MGA: variants seen among roughly 807,000 people sequenced by gnomAD.
MGA encodes MAX gene-associated protein.
In MGA, 40 loss-of-function variants were observed where a neutral mutation model predicts 261.1. The ratio of observed to expected loss-of-function variants is 0.15; its 90% CI spans 0.12 to 0.20. MGA has a LOEUF of 0.20. Ranked by LOEUF, MGA falls within the 10% of genes least tolerant of loss-of-function variation. The pLI, the probability that MGA is intolerant of heterozygous loss-of-function variation, is 1.00. For synonymous variants in MGA, 1,302 were observed against 1,290.6 expected (o/e 1.01, Z -0.19); for missense variants, 3,397 against 3,630.5 (o/e 0.94, Z 1.65).
Position 41,696,534 on chromosome 15 carries a change from G to C in MGA, c.1524G>C (p.Leu508Phe). Residue 508 changes from leucine (L) to phenylalanine (F), a missense_variant, in exon 3 of 24, where the codon TTG becomes TTC. Leu to Phe is a conservative substitution (Grantham distance 22, BLOSUM62 0). Around this residue, in one of 9 missense-constraint regions of MGA, gnomAD observed 563 missense variants for 563.6 expected, o/e 1.00. Transcript: ENST00000219905. Reference sequence around the variant, plus strand: ...CTATGTTGGCAGAATTGGAATATTTGCCTACATACATTGAAAATTCCAATG... The same window carrying C: ...CTATGTTGGCAGAATTGGAATATTTCCCTACATACATTGAAAATTCCAATG... 6.2e-7 allele frequency: 1 copy of C among 1,613,938 alleles called. No individual in the cohort carries two copies. The highest frequency in any genetic ancestry group is 8.5e-7 in the Non-Finnish European group (1 of 1,179,888).
chr15:41,715,350 A>G (rs1484457801), intron 9 of MGA, among the ~76,000 whole-genome samples: 1 of 151,604 alleles, frequency 6.6e-6, no homozygotes, highest in Non-Finnish European at 1.5e-5. Flanking sequence ...GGGTTTCACC[A>G]TATTGGCCAG....
At chr15:41,627,243 C>T (rs72724111) in intron 1 of MGA, among the ~76,000 whole-genome samples, 309 of 152,260 alleles carry the variant, frequency 2.0e-3, no homozygotes, top group Non-Finnish European at 3.6e-3. Flanking sequence ...TTATTATTAA[C>T]GAAAGTCCAT....
intron 1 of MGA, among the ~76,000 whole-genome samples, chr15:41,625,106 C>T (rs969687748): frequency 3.3e-5 from 5 of 152,046 alleles, no homozygotes; most frequent in Admixed American, 6.6e-5. Flanking sequence ...CGTGTCACTG[C>T]ACTCCAGATT....
At chr15:41,660,612 C>G (rs2057324588) in intron 1 of MGA, 87 bp downstream of exon 1, 2 of 152,666 alleles carry the variant, frequency 1.3e-5, no homozygotes, top group Non-Finnish European at 2.9e-5. Context: ...TGTATTTGAA[C>G]GGCGTGAGAA....
chr15:41,718,097 C>T (rs1159531577), intron 9 of MGA, among the ~76,000 whole-genome samples: 1 of 150,050 alleles, frequency 6.7e-6, no homozygotes, highest in Non-Finnish European at 1.5e-5. Flanking sequence ...GTATAAAATA[C>T]ATATTAAGGA....
At chr15:41,743,833 T>A (rs1355572196) in intron 15 of MGA, among the ~76,000 whole-genome samples, 4 of 152,244 alleles carry the variant, frequency 2.6e-5, no homozygotes, top group African/African-American at 4.8e-5. Context: ...CTAATATTTT[T>A]ATAAACTTTT....
At chr15:41,667,602 A>T (rs1595626142) in intron 1 of MGA, among the ~76,000 whole-genome samples, 1 of 151,200 alleles carries the variant, frequency 6.6e-6, no homozygotes, top group African/African-American at 2.4e-5. Context: ...CTGGTCTGGG[A>T]CTCCTGACTT....
At chr15:41,707,619 T>C (rs2060188218) in intron 5 of MGA, 109 bp from the exon 6 acceptor site, 1 of 1,058,180 alleles carries the variant, frequency 9.5e-7, no homozygotes, top group South Asian at 1.8e-5. Context: ...CTCCTTTCTC[T>C]CTCGACCTTA....
intron 5 of MGA, among the ~76,000 whole-genome samples, chr15:41,703,034 G>C (rs986541551): frequency 2.0e-5 from 3 of 152,056 alleles, no homozygotes; most frequent in South Asian, 4.1e-4. Flanking sequence ...TAGTGAACCA[G>C]TACTGATATA....
chr15:41,748,548 T>C (rs1337187992), intron 15 of MGA, 89 bp from the exon 16 acceptor site: 1 of 1,409,080 alleles, frequency 7.1e-7, no homozygotes, highest in Non-Finnish European at 9.5e-7. Context: ...AAAGCAAGAC[T>C]GTGTCTTAAA....
intron 2 of MGA, among the ~76,000 whole-genome samples, chr15:41,677,386 GC>G (rs1163386395): frequency 6.6e-6 from 1 of 152,180 alleles, no homozygotes; most frequent in Middle Eastern, 3.2e-3. Context: ...AGGTGATCCA[GC>G]CACCTCAGCC....
chr15:41,757,849 A>G lies in MGA; in HGVS notation c.7191+10A>G, dbSNP rs1219092820. 1.5e-5 allele frequency: 24 copies of G among 1,591,534 alleles called. No homozygotes were observed. The highest frequency in any genetic ancestry group is 1.9e-5 in the Non-Finnish European group (22 of 1,160,560). ...TGAAAGGAGTCGAAAGGTATTTAGGATATATTTAGTGATAATTACTCATTG... is the reference window on the plus strand; with the variant it reads ...TGAAAGGAGTCGAAAGGTATTTAGGGTATATTTAGTGATAATTACTCATTG... On this transcript the variant is annotated intron_variant, in intron 19 of 23. Coordinates refer to ENST00000219905, the MANE Select transcript of MGA (RefSeq NM_001164273.2).
At chr15:41,684,590 T>G (rs1010410017) in intron 2 of MGA, 1 of 299,338 alleles carries the variant, frequency 3.3e-6, no homozygotes, top group African/African-American at 2.2e-5. Flanking sequence ...AAAGCAGTTA[T>G]TGCAGTAGCA....
intron 14 of MGA, among the ~76,000 whole-genome samples, chr15:41,740,425 A>G (rs1283049241): frequency 6.6e-6 from 1 of 151,992 alleles, no homozygotes; most frequent in Non-Finnish European, 1.5e-5. Context: ...TCTTGGTTTT[A>G]TATATATTTT....
chr15:41,699,691 A>G (rs1047082806), intron 5 of MGA, among the ~76,000 whole-genome samples: 3 of 152,006 alleles, frequency 2.0e-5, no homozygotes, highest in African/African-American at 7.3e-5. Flanking sequence ...TTTAGTAGAG[A>G]CGGTTTCACC....
intron 11 of MGA, among the ~76,000 whole-genome samples, chr15:41,729,603 G>C (rs2061406472): frequency 1.3e-5 from 2 of 151,832 alleles, no homozygotes; most frequent in Non-Finnish European, 2.9e-5. Flanking sequence ...AGGCGGATCA[G>C]TTGAGCCCAG....
In MGA at chr15:41,668,931, G is replaced by C; in HGVS notation, c.37G>C (p.Asp13His). The C allele has an allele frequency of 6.3e-7, 1 of 1,595,154 alleles. No homozygotes were observed. The highest frequency in any genetic ancestry group is 8.6e-7 in the Non-Finnish European group (1 of 1,166,402). The change falls in exon 2 of 24, where the codon GAT becomes CAT. Residue 13 changes from aspartate to histidine, a missense_variant. Asp to His is a moderately conservative substitution (Grantham distance 81). Coordinates refer to ENST00000219905, the MANE Select transcript of MGA (RefSeq NM_001164273.2). The stretch of plus-strand genomic sequence containing the variant: ...ACAGCAGATTATATTGGCTAATCAA[G>C]ATGGTGGAACAGTGGCAGGAGCAGC...
intron 11 of MGA, among the ~76,000 whole-genome samples, chr15:41,730,033 C>T (rs1342357128): frequency 6.6e-6 from 1 of 151,984 alleles, no homozygotes; most frequent in Non-Finnish European, 1.5e-5. Flanking sequence ...ACTGAGATTA[C>T]AGGTGCCTGC....
intron 2 of MGA, among the ~76,000 whole-genome samples, chr15:41,685,764 C>T (rs773357229): frequency 1.5e-4 from 23 of 150,920 alleles, no homozygotes; most frequent in African/African-American, 5.4e-4. Flanking sequence ...GAGGCCGAGG[C>T]GGGAGGATCA....
Sources: gnomAD v4.1 joint callset for allele counts (sites outside exome capture counted in the v4.1 genomes callset) on GRCh38, gnomAD v4.1.1 for gene constraint, gnomAD v4.1.1 regional missense constraint, MANE v1.5 for transcripts, NCBI Gene and HGNC (gene_info 2026-07-23, HGNC 2026-07-21) for gene names.